ESF1: variants seen among roughly 807,000 people sequenced by gnomAD.
The protein encoded by ESF1 is ESF1 nucleolar pre-rRNA processing protein.
Under a neutral mutation model 92.0 loss-of-function variants are expected in ESF1, and 58 were observed. The ratio of observed to expected loss-of-function variants is 0.63; its 90% CI spans 0.51 to 0.78. The LOEUF is 0.78. ESF1 is among the 30% of genes least tolerant of loss of function. The probability of loss-of-function intolerance (pLI) is 0.00; values close to 1 mark genes in which losing one functional copy is unlikely to be tolerated. For missense variants in ESF1, 922 were observed against 989.1 expected, an observed-to-expected ratio of 0.93 and a Z score of 0.91; for synonymous variants, 321 against 313.7, an observed-to-expected ratio of 1.02 and a Z score of -0.24.
At position 13,714,883 on chromosome 20, in the gene ESF1, T is replaced by C; in HGVS notation, c.2547A>G (p.Lys849=). 3.1e-6 allele frequency: 5 copies of C among 1,595,898 alleles called. No individual in the cohort carries two copies. The highest frequency in any genetic ancestry group is 4.3e-6 in the Non-Finnish European group (5 of 1,173,186). Residue 849 remains lysine, a synonymous_variant, in exon 14 of 14, where the codon AAA becomes AAG. Coordinates refer to ENST00000617257, the MANE Select transcript of ESF1 (RefSeq NM_001276380.2). The part of the protein sequence containing the change: ...TEQFQARKKQ[K]VK Reference sequence around the variant, plus strand: ...AATAAGTAACATCCAGTTATTTGACTTTTTGCTTTTTTCTTGCTTGAAACT... The same window carrying C: ...AATAAGTAACATCCAGTTATTTGACCTTTTGCTTTTTTCTTGCTTGAAACT...
At chr20:13,739,960 C>T (rs541018362) in intron 9 of ESF1, among the ~76,000 whole-genome samples, 4 of 152,206 alleles carry the variant, frequency 2.6e-5, no homozygotes, top group South Asian at 2.1e-4. Flanking sequence ...GATGTCCCTT[C>T]CCCCACAAAT....
chr20:13,755,130 A>C (rs1443381679), intron 9 of ESF1, among the ~76,000 whole-genome samples: 1 of 152,228 alleles, frequency 6.6e-6, no homozygotes. Flanking sequence ...CACAGTGTAT[A>C]GAATAATTCC....
chr20:13,736,315 G>T (rs2049975057), intron 9 of ESF1, among the ~76,000 whole-genome samples: 1 of 151,792 alleles, frequency 6.6e-6, no homozygotes, highest in Non-Finnish European at 1.5e-5. Context: ...CCTCTTGGGG[G>T]GCAAAATTAC....
At chr20:13,762,804 G>C in intron 8 of ESF1, 1 of 356,866 alleles carries the variant, frequency 2.8e-6, no homozygotes, top group East Asian at 1.0e-4. Flanking sequence ...AAAAATATAC[G>C]CTTTAAAAAA....
Position 13,769,906 on chromosome 20 carries a change from C to T in ESF1, c.1518+1G>A. ...ACATATTTTTTAAAGTAAAGAAATA[C>T]CGTTGATGTTCCCATTGCAGCAGAA... On this transcript the variant is annotated splice_donor_variant, in intron 7 of 13. Transcript: ENST00000617257. LOFTEE classifies it high-confidence loss of function. 1 of 1,585,558 alleles carries T rather than the reference C, an allele frequency of 6.3e-7. No homozygotes were observed. Among genetic ancestry groups the T allele is most frequent in the Non-Finnish European group, 8.7e-7 (1 of 1,156,032 alleles).
chr20:13,733,616 C>G, intron 10 of ESF1, 105 bp downstream of exon 10: 1 of 1,230,978 alleles, frequency 8.1e-7, no homozygotes, highest in Admixed American at 2.7e-5. Context: ...ACAAGGCCTA[C>G]TTCAGTGAGT....
chr20:13,782,019 G>A (rs1228014821), intron 2 of ESF1, among the ~76,000 whole-genome samples: 1 of 152,180 alleles, frequency 6.6e-6, no homozygotes, highest in Non-Finnish European at 1.5e-5. Flanking sequence ...TGGGACTACA[G>A]GTGTGCGCCA....
intron 4 of ESF1, among the ~76,000 whole-genome samples, chr20:13,772,823 C>T (rs573341495): frequency 2.0e-5 from 3 of 152,078 alleles, no homozygotes; most frequent in African/African-American, 4.8e-5. Flanking sequence ...TAACAAGATA[C>T]GAGGCTTGGA....
At chr20:13,733,692 A>G (rs1371881946) in intron 10 of ESF1, 29 bp downstream of exon 10, 1 of 1,602,966 alleles carries the variant, frequency 6.2e-7, no homozygotes, top group African/African-American at 1.3e-5. Flanking sequence ...GGTATTCAAC[A>G]AACATTTGGT....
In ESF1 at chr20:13,733,814, G is replaced by T; in HGVS notation, c.1857C>A (p.Val619=). The stretch of plus-strand genomic sequence containing the variant: ...TATCCTTTCCTTCCAATTTGTTTTT[G>T]ACCATCTCTTCTGCACTTTCTTTAA... ...PGLKESAEEM[V]KNKLEGKDKL... Residue 619 remains valine (V), a synonymous_variant, in exon 10 of 14, where the codon GTC becomes GTA. Coordinates refer to ENST00000617257, the MANE Select transcript of ESF1 (RefSeq NM_001276380.2). The T allele has an allele frequency of 1.2e-6, 2 of 1,611,442 alleles. No homozygotes were observed. The highest frequency in any genetic ancestry group is 2.2e-5 in the South Asian group (2 of 90,702).
chr20:13,762,864 T>TTTC, intron 8 of ESF1: 1 of 339,834 alleles, frequency 2.9e-6, no homozygotes, highest in Non-Finnish European at 5.5e-6. Context: ...GTTTTTTTTT[T>TTTC]TTTTTTTTTT....
At chr20:13,783,510 T>G (rs1271486501) in intron 1 of ESF1, among the ~76,000 whole-genome samples, 1 of 152,228 alleles carries the variant, frequency 6.6e-6, no homozygotes, top group African/African-American at 2.4e-5. Context: ...TATACCAGTA[T>G]GTGTTACTAA....
chr20:13,760,166 G>A (rs1038953185), intron 8 of ESF1, among the ~76,000 whole-genome samples: 7 of 152,234 alleles, frequency 4.6e-5, no homozygotes, highest in Admixed American at 2.0e-4. Flanking sequence ...TAATGAAGAT[G>A]GCATTTTCAC....
intron 4 of ESF1, 145 bp from the exon 5 acceptor site, chr20:13,772,760 G>T: frequency 1.7e-6 from 1 of 577,638 alleles, no homozygotes; most frequent in Non-Finnish European, 3.1e-6. Flanking sequence ...ACTATAGGAA[G>T]CTAGAGCATC....
At chr20:13,775,849 A>G in intron 3 of ESF1, 24 bp downstream of exon 3, 1 of 1,561,796 alleles carries the variant, frequency 6.4e-7, no homozygotes, top group Non-Finnish European at 8.6e-7. Context: ...TTTCACAAAT[A>G]ATCTTGTTTA....
rs556556659 is a variant in ESF1 at position 13,783,296 on chromosome 20, T to C, written c.-43-113A>G. The C allele has an allele frequency of 3.5e-6, 3 of 864,864 alleles. No homozygotes were observed. In the South Asian group the frequency reaches 6.3e-5, roughly 18 times the overall value. 53.6% of individuals were successfully genotyped at this position (864,864 alleles called of 1,614,324 possible). On this transcript the variant is annotated intron_variant, in intron 1 of 13. Coordinates refer to ENST00000617257, the MANE Select transcript of ESF1 (RefSeq NM_001276380.2). ...TAATATATTCTAAGTTAAGTGTACA[T>C]AAAATAGAGGTAACAAGTCTAATTT...
intron 9 of ESF1, among the ~76,000 whole-genome samples, chr20:13,744,434 C>T (rs1175938505): frequency 1.3e-5 from 2 of 152,188 alleles, no homozygotes; most frequent in Admixed American, 1.3e-4. Flanking sequence ...CAGGGAAATG[C>T]CTAAGTATTT....
intron 8 of ESF1, chr20:13,762,954 G>T (rs7274911): frequency 0.043 from 10,701 of 251,270 alleles, 488 homozygotes; most frequent in African/African-American, 0.14. Flanking sequence ...TCTGCCTCCC[G>T]GGTTCATGCC....
intron 9 of ESF1, among the ~76,000 whole-genome samples, chr20:13,759,309 T>A (rs531385830): frequency 6.6e-6 from 1 of 152,354 alleles, no homozygotes; most frequent in South Asian, 2.1e-4. Flanking sequence ...ACATATTTTG[T>A]GTTAGTGAAA....
Sources: allele counts gnomAD v4.1 joint callset (sites outside exome capture counted in the v4.1 genomes callset), GRCh38; gene constraint gnomAD v4.1.1; transcripts MANE v1.5; gene names NCBI Gene and HGNC (gene_info 2026-07-23, HGNC 2026-07-21).